The following WDHD1 variants were observed in gnomAD, a reference collection of about 807,000 sequenced individuals.
The protein encoded by WDHD1 is WD repeat and HMG-box DNA-binding protein 1.
A neutral mutation model predicts 135.4 loss-of-function variants in WDHD1; 111 were observed. The ratio of observed to expected loss-of-function variants is 0.82; its 90% confidence interval spans 0.70 to 0.96. WDHD1 has a LOEUF of 0.96. WDHD1 is among the 40% of genes least tolerant of loss of function. The pLI is 0.00. For missense variants in WDHD1, 1,351 were observed against 1,336.3 expected, an observed-to-expected ratio of 1.01 and a Z score of -0.17; for synonymous variants, 434 against 439.0, an observed-to-expected ratio of 0.99 and a Z score of 0.14.
intron 25 of WDHD1, among the ~76,000 whole-genome samples, chr14:54,942,254 AT>A (rs1441166036): frequency 6.1e-5 from 4 of 65,660 alleles, no homozygotes; most frequent in South Asian, 4.5e-4. Context: ...GTCTCAAAAA[AT>A]AAATAAATAA....
At chr14:54,946,785 T>G (rs2040933263) in intron 24 of WDHD1, among the ~76,000 whole-genome samples, 1 of 152,222 alleles carries the variant, frequency 6.6e-6, no homozygotes, top group African/African-American at 2.4e-5. Flanking sequence ...GGCTCACACC[T>G]GTAACCCCAG....
chr14:54,941,530 G>T lies in WDHD1; in HGVS notation c.3350C>A (p.Thr1117Lys), dbSNP rs552134059. Residue 1117 changes from threonine (T) to lysine (K), a missense_variant, in exon 26 of 26, where the codon ACA (threonine) becomes AAA (lysine). Around this residue, in one of 2 missense-constraint regions of WDHD1, gnomAD observed 1,330 missense variants for 1,296.1 expected, o/e 1.03. Transcript: ENST00000360586. Reference protein sequence around the residue: ...SKKQKPLDFSTNQKLSAFAFK... With the variant: ...SKKQKPLDFSKNQKLSAFAFK... The stretch of plus-strand genomic sequence containing the variant: ...TGCAAAAGCTGATAGTTTCTGATTT[G>T]TAGAAAAATCTAAAGGTTTCTGCTT... 3.1e-6 allele frequency: 5 copies of T among 1,612,912 alleles called. No homozygotes were observed. The South Asian group carries it at 4.4e-5, about 14-fold the overall frequency.
At position 55,007,350 on chromosome 14, in the gene WDHD1, A is replaced by G. The variant is rs534880123; in HGVS notation, c.530T>C (p.Leu177Pro). ...ATTTATCACATCGTTGCATTTTTGT[A>G]GCAGTGGCCAACTAATAGCACATGT... is the stretch of plus-strand genomic sequence containing the variant. ...DQTCAISWPLLQKCNDVINAK... is the reference protein window; with the variant it reads ...DQTCAISWPLPQKCNDVINAK... Residue 177 changes from leucine to proline, a missense_variant, in exon 7 of 26, where the codon CTA becomes CCA. Coordinates refer to ENST00000360586, the MANE Select transcript of WDHD1 (RefSeq NM_007086.4). 6.2e-5 allele frequency: 99 copies of G among 1,603,468 alleles called. No individual in the cohort carries two copies. The highest frequency in any genetic ancestry group is 8.4e-5 in the Non-Finnish European group (99 of 1,176,814).
chr14:54,991,769 C>A (rs551618629), intron 11 of WDHD1, among the ~76,000 whole-genome samples: 2 of 151,894 alleles, frequency 1.3e-5, no homozygotes, highest in Non-Finnish European at 2.9e-5. Flanking sequence ...AGCACTTATG[C>A]AATTGTTTGA....
At chr14:55,018,218 C>G (rs1247148001) in intron 2 of WDHD1, among the ~76,000 whole-genome samples, 2 of 152,102 alleles carry the variant, frequency 1.3e-5, no homozygotes, top group African/African-American at 4.8e-5. Flanking sequence ...TAGTTGAAAA[C>G]AGACATCTTT....
At chr14:54,949,733 T>C (rs866757371) in intron 24 of WDHD1, among the ~76,000 whole-genome samples, 3 of 151,094 alleles carry the variant, frequency 2.0e-5, no homozygotes, top group African/African-American at 7.3e-5. Flanking sequence ...AAAGAAAAAA[T>C]GTTCAGAGAG....
intron 24 of WDHD1, among the ~76,000 whole-genome samples, chr14:54,945,818 C>T (rs961206809): frequency 2.6e-5 from 4 of 152,140 alleles, no homozygotes; most frequent in African/African-American, 4.8e-5. Context: ...GGATTACAGG[C>T]GTGAGCCACT....
chr14:54,940,009 G>A lies in WDHD1; in HGVS notation c.*1481C>T, dbSNP rs2040816483. 1 of 152,106 alleles carries A rather than the reference G, an allele frequency of 6.6e-6. No homozygotes were observed. Among genetic ancestry groups the A allele is most frequent in the Non-Finnish European group, 1.5e-5 (1 of 68,008 alleles). The allele number at this position is 152,106 out of a possible 1,614,324, so 9.4% of individuals were successfully genotyped here. A position where few individuals can be genotyped will look rare whatever the true frequency, so the allele number is the denominator to read the frequency against. Reference sequence around the variant, plus strand: ...AAGATCTTGAAATCAAAATTAGTTTGTATAGTATTCAGAATCAAACCTAAT... The same window carrying A: ...AAGATCTTGAAATCAAAATTAGTTTATATAGTATTCAGAATCAAACCTAAT... On this transcript the variant is annotated 3_prime_UTR_variant, in exon 26 of 26. Transcript: ENST00000360586.
intron 24 of WDHD1, among the ~76,000 whole-genome samples, chr14:54,944,999 T>G (rs2040900033): frequency 6.6e-6 from 1 of 152,244 alleles, no homozygotes; most frequent in Non-Finnish European, 1.5e-5. Context: ...CACGTTTGTA[T>G]TTTCCAAGTG....
chr14:55,018,295 T>C (rs2042292244), intron 2 of WDHD1, among the ~76,000 whole-genome samples: 1 of 152,180 alleles, frequency 6.6e-6, no homozygotes, highest in South Asian at 2.1e-4. Flanking sequence ...ACAAAACTTA[T>C]GCACAGGAAG....
At chr14:55,023,704 GT>G (rs1354046247) in intron 2 of WDHD1, among the ~76,000 whole-genome samples, 1 of 152,210 alleles carries the variant, frequency 6.6e-6, no homozygotes, top group African/African-American at 2.4e-5. Context: ...GCATCATACA[GT>G]GTTTTAAGCA....
intron 11 of WDHD1, 63 bp from the exon 12 acceptor site, chr14:54,991,463 CATT>C: frequency 6.7e-7 from 1 of 1,488,358 alleles, no homozygotes; most frequent in Admixed American, 1.8e-5. Flanking sequence ...AAAAGGAAAG[CATT>C]ATGGAATCTA....
At position 54,962,567 on chromosome 14, in the gene WDHD1, A is replaced by T; in HGVS notation, c.2648-16T>A. On this transcript the variant is annotated splice_polypyrimidine_tract_variant and intron_variant, in intron 20 of 25. Transcript: ENST00000360586. ...GAGTTCTGTCCTACAGATTAAAATAAAGCAATATAATGTAAATGGGGAAAA... is the reference window on the plus strand; with the variant it reads ...GAGTTCTGTCCTACAGATTAAAATATAGCAATATAATGTAAATGGGGAAAA... The T allele has an allele frequency of 6.3e-7, 1 of 1,597,872 alleles. No homozygotes were observed. Among genetic ancestry groups the T allele is most frequent in the Non-Finnish European group, 8.6e-7 (1 of 1,168,764 alleles).
chr14:54,953,035 T>C (rs1300465482), intron 24 of WDHD1, among the ~76,000 whole-genome samples: 1 of 152,114 alleles, frequency 6.6e-6, no homozygotes, highest in South Asian at 2.1e-4. Context: ...GAAGAAAACC[T>C]AGGCAATACC....
chr14:54,971,212 G>C (rs150462419), intron 16 of WDHD1, among the ~76,000 whole-genome samples: 1 of 152,144 alleles, frequency 6.6e-6, no homozygotes, highest in Non-Finnish European at 1.5e-5. Context: ...AAAAGCAATT[G>C]CAACAAAAAC....
chr14:55,006,637 T>C (rs2042074818), intron 7 of WDHD1, among the ~76,000 whole-genome samples: 1 of 152,208 alleles, frequency 6.6e-6, no homozygotes, highest in Admixed American at 6.5e-5. Context: ...GTTGTCTAAC[T>C]GTATCAGTTA....
At chr14:54,963,472 T>G (rs747292488) in intron 18 of WDHD1, among the ~76,000 whole-genome samples, 1 of 152,084 alleles carries the variant, frequency 6.6e-6, no homozygotes, top group Admixed American at 6.6e-5. Flanking sequence ...ACCACTTTAA[T>G]CTACTAATTG....
At chr14:54,982,096 T>C (rs986244014) in intron 15 of WDHD1, among the ~76,000 whole-genome samples, 1 of 152,004 alleles carries the variant, frequency 6.6e-6, no homozygotes, top group African/African-American at 2.4e-5. Context: ...AAGCTCCGCC[T>C]TCCAGGTTCA....
At position 54,989,227 on chromosome 14, in the gene WDHD1, G is replaced by T. The variant is rs773388672; in HGVS notation, c.1342-15C>A. 1.3e-6 allele frequency: 2 copies of T among 1,596,992 alleles called. No homozygotes were observed. The highest frequency in any genetic ancestry group is 2.3e-5 in the South Asian group (2 of 87,640). ...GAGTTCCACACCTACAAACAGGTAA[G>T]ATTAAATATAAGTCTGAGAAAAACT... On this transcript the variant is annotated splice_polypyrimidine_tract_variant and intron_variant, in intron 12 of 25. Coordinates refer to ENST00000360586, the MANE Select transcript of WDHD1 (RefSeq NM_007086.4).
Sources: allele counts gnomAD v4.1 joint callset (sites outside exome capture counted in the v4.1 genomes callset), GRCh38; gene constraint gnomAD v4.1.1; regional missense constraint gnomAD v4.1.1; transcripts MANE v1.5; gene names NCBI Gene and HGNC (gene_info 2026-07-23, HGNC 2026-07-21).